PTPRG: variants seen among roughly 807,000 people sequenced by gnomAD.
PTPRG encodes the protein protein tyrosine phosphatase receptor type G, also known as receptor-type tyrosine-protein phosphatase gamma.
PTPRG carries 102 observed loss-of-function variants against 165.3 expected under a neutral mutation model. That is an observed-to-expected ratio of 0.62 (90% CI 0.53 to 0.73). The LOEUF is 0.73. PTPRG is among the 30% of genes least tolerant of loss of function. The pLI, the probability that PTPRG is intolerant of heterozygous loss-of-function variation, is 0.00. For synonymous variants in PTPRG, 675 were observed against 669.5 expected (o/e 1.01, Z -0.13); for missense variants, 1,866 against 1,861.4 (o/e 1.00, Z -0.05).
chr3:61,898,626 C>T (rs1189878185), intron 2 of PTPRG, among the ~76,000 whole-genome samples: 19 of 152,198 alleles, frequency 1.2e-4, no homozygotes, highest in Admixed American at 1.2e-3. Context: ...TTGTTTTGCC[C>T]AGGCATTACC....
chr3:61,929,664 G>A (rs1401290650), intron 2 of PTPRG, among the ~76,000 whole-genome samples: 3 of 152,224 alleles, frequency 2.0e-5, no homozygotes, highest in African/African-American at 7.2e-5. Flanking sequence ...TGAAAAATGA[G>A]CACAGGTTGT....
intron 1 of PTPRG, among the ~76,000 whole-genome samples, chr3:61,600,019 G>T (rs138230235): frequency 1.4e-4 from 21 of 151,910 alleles, no homozygotes; most frequent in Non-Finnish European, 2.6e-4. Flanking sequence ...AATTAGCCAG[G>T]TGTGGTGGTG....
At position 62,203,676 on chromosome 3, in the gene PTPRG, C is replaced by A; in HGVS notation, c.1881C>A (p.Pro627=). The change falls in exon 12 of 30, where the codon CCC becomes CCA. Residue 627 remains proline, a synonymous_variant. Coordinates refer to ENST00000474889, the MANE Select transcript of PTPRG (RefSeq NM_002841.4). The surrounding 1 kb of genome is among the most constrained non-coding windows in gnomAD (Gnocchi z 6.4). ...ERNQTEPSPT[P]SSPNRTAEGG... ...ATCAGACGGAGCCCAGCCCCACACC[C>A]TCGTCTCCTAACAGGACTGCCGAGG... 1.3e-6 allele frequency: 2 copies of A among 1,566,658 alleles called. No individual in the cohort carries two copies. The highest frequency in any genetic ancestry group is 4.7e-5 in the East Asian group (2 of 42,400).
intron 26 of PTPRG, among the ~76,000 whole-genome samples, chr3:62,278,099 C>G (rs1702296003): frequency 6.6e-6 from 1 of 152,094 alleles, no homozygotes; most frequent in African/African-American, 2.4e-5. Context: ...TTAAGACATA[C>G]ATACTATTAT....
intron 2 of PTPRG, among the ~76,000 whole-genome samples, chr3:61,840,778 G>GTTTTTTTT (rs1421518243): frequency 1.9e-5 from 2 of 106,188 alleles, no homozygotes; most frequent in African/African-American, 9.0e-5. Context: ...TTTTTTGTTT[G>GTTTTTTTT]TTTGTTTTTT....
At chr3:62,085,026 C>A (rs1048015238) in intron 5 of PTPRG, among the ~76,000 whole-genome samples, 1 of 152,114 alleles carries the variant, frequency 6.6e-6, no homozygotes, top group Non-Finnish European at 1.5e-5. Context: ...GGGGGTAGAG[C>A]CTGAGACTAC....
intron 1 of PTPRG, among the ~76,000 whole-genome samples, chr3:61,600,174 ATATAT>A (rs1433530043): frequency 4.1e-5 from 4 of 97,806 alleles, no homozygotes; most frequent in Non-Finnish European, 6.9e-5. Flanking sequence ...AAAAAAAAAA[ATATAT>A]ATATATATAT....
intron 5 of PTPRG, among the ~76,000 whole-genome samples, chr3:62,122,578 G>A (rs1703116910): frequency 6.6e-6 from 1 of 152,202 alleles, no homozygotes; most frequent in Non-Finnish European, 1.5e-5. Context: ...TCTGTGACTT[G>A]TTCAGTGGCA....
rs574271371 is a variant in PTPRG, at chr3:62,081,640, C to T, written c.615+3382C>T. Among the ~76,000 whole-genome samples, 10 of 152,316 alleles carry T rather than the reference C, an allele frequency of 6.6e-5. 1 individual carries two copies. In the South Asian group the frequency reaches 2.1e-3, roughly 32 times the overall value. ...GATTATAGGCGTCAGCCACTGCGCC[C>T]GGCCCCTTTGTCTTTCTTGTAAGCA... On this transcript the variant is annotated intron_variant, in intron 5 of 29. Transcript: ENST00000474889.
chr3:62,161,114 C>T (rs957127017), intron 7 of PTPRG, among the ~76,000 whole-genome samples: 4 of 151,912 alleles, frequency 2.6e-5, no homozygotes, highest in African/African-American at 7.3e-5. Flanking sequence ...GATAATACTC[C>T]CCTCATGGAG....
intron 1 of PTPRG, among the ~76,000 whole-genome samples, chr3:61,623,319 G>T (rs1008767422): frequency 6.6e-6 from 1 of 152,210 alleles, no homozygotes; most frequent in African/African-American, 2.4e-5. Context: ...GCGAGGTTCT[G>T]ATCTGCATGA....
intron 5 of PTPRG, among the ~76,000 whole-genome samples, chr3:62,119,505 A>C (rs1250959439): frequency 6.6e-6 from 1 of 152,196 alleles, no homozygotes; most frequent in African/African-American, 2.4e-5. Flanking sequence ...GAGGCCCTGG[A>C]GTCCTGTAGG....
At chr3:62,140,058 C>T (rs1280244657) in intron 6 of PTPRG, among the ~76,000 whole-genome samples, 1 of 152,220 alleles carries the variant, frequency 6.6e-6, no homozygotes, top group East Asian at 1.9e-4. Flanking sequence ...CTCTGAATTC[C>T]TTCTAGAACA....
intron 1 of PTPRG, among the ~76,000 whole-genome samples, chr3:61,726,457 A>G (rs1448113703): frequency 6.6e-6 from 1 of 152,202 alleles, no homozygotes; most frequent in Non-Finnish European, 1.5e-5. Flanking sequence ...GATAATTTGT[A>G]TAATGGAAAT....
chr3:62,132,716 G>T lies in PTPRG; in HGVS notation c.682+48G>T, dbSNP rs150201805. The T allele has an allele frequency of 1.2e-3, 1,824 of 1,459,834 alleles. 7 individuals are homozygous for T. In the African/African-American group the frequency reaches 0.013, roughly 10 times the overall value. The allele number at this position is 1,459,834 out of a possible 1,614,324, so 90.4% of individuals were successfully genotyped here. A position where few individuals can be genotyped will look rare whatever the true frequency, so the allele number is the denominator to read the frequency against. The stretch of plus-strand genomic sequence containing the variant: ...CTTTTGCTGGGATGTGAAGGGCTCA[G>T]ATCTCTACCTAAAAGAATCAGGTTA... On this transcript the variant is annotated intron_variant, in intron 6 of 29. Coordinates refer to ENST00000474889, the MANE Select transcript of PTPRG (RefSeq NM_002841.4).
At chr3:61,680,501 G>GAAAAAAAAAAAAAAAAAAAAAAAAAAAAA in intron 1 of PTPRG, among the ~76,000 whole-genome samples, 1 of 85,226 alleles carries the variant, frequency 1.2e-5, no homozygotes, top group Non-Finnish European at 2.4e-5. Context: ...TCAGCTTTAT[G>GAAAAAAAAAAAAAAAAAAAAAAAAAAAAA]AAAAAAAAAA....
chr3:61,655,086 C>T (rs1275667513), intron 1 of PTPRG, among the ~76,000 whole-genome samples: 1 of 152,154 alleles, frequency 6.6e-6, no homozygotes, highest in Non-Finnish European at 1.5e-5. Flanking sequence ...CGCACCCGGC[C>T]ACCTGCGCTT....
In PTPRG at chr3:62,229,086, A is replaced by C; in HGVS notation, c.2289-2139A>C. On this transcript the variant is annotated intron_variant, in intron 13 of 29. Coordinates refer to ENST00000474889, the MANE Select transcript of PTPRG (RefSeq NM_002841.4). This position sits in a 1 kb window ranked among gnomAD's most constrained non-coding sequence, Gnocchi z 4.6. ...TGTGTCAAGCCATTGGGGAGAGCTC[A>C]AGCACATTTTGTGGTGCCAAAATAT... 6.6e-6 allele frequency among the ~76,000 whole-genome samples: 1 copy of C among 152,208 alleles called. No homozygotes were observed. Among genetic ancestry groups the C allele is most frequent in the Non-Finnish European group, 1.5e-5 (1 of 68,034 alleles).
intron 2 of PTPRG, among the ~76,000 whole-genome samples, chr3:61,800,262 G>A (rs2035191661): frequency 6.6e-6 from 1 of 152,142 alleles, no homozygotes; most frequent in Admixed American, 6.5e-5. Flanking sequence ...GAAGGTGGTA[G>A]GTTTTCCAGG....
Sources: allele counts gnomAD v4.1 joint callset (sites outside exome capture counted in the v4.1 genomes callset), GRCh38; gene constraint gnomAD v4.1.1; non-coding constraint Gnocchi (gnomAD v3.1); transcripts MANE v1.5; gene names NCBI Gene and HGNC (gene_info 2026-07-23, HGNC 2026-07-21).